DMD: variants seen among roughly 807,000 people sequenced by gnomAD.
DMD encodes dystrophin.
Under a neutral mutation model 330.1 loss-of-function variants are expected in DMD, and 63 were observed. The observed-to-expected ratio is 0.19, with a 90% CI of 0.16 to 0.24. The LOEUF (loss-of-function observed/expected upper bound fraction) is 0.24, where lower values mean the gene tolerates loss of function less well. Ranked by LOEUF, DMD falls within the 10% of genes least tolerant of loss-of-function variation. The probability of loss-of-function intolerance (pLI) is 1.00; values close to 1 mark genes in which losing one functional copy is unlikely to be tolerated. For synonymous variants in DMD, 1,223 were observed against 959.8 expected (o/e 1.27, Z -5.07); for missense variants, 3,344 against 2,684.1 (o/e 1.25, Z -5.43).
intron 60 of DMD, among the ~76,000 whole-genome samples, chrX:31,434,422 A>ATG (rs2064340282): frequency 1.2e-4 from 3 of 24,915 alleles, no homozygotes; most frequent in Non-Finnish European, 2.5e-4. Context: ...GCGCGCGCAC[A>ATG]CACACACACA....
chrX:33,277,352 G>A (rs1569559429), intron 1 of DMD, among the ~76,000 whole-genome samples: 1 of 111,547 alleles, frequency 9.0e-6, no homozygotes, highest in South Asian at 3.7e-4. Flanking sequence ...AGAGATGATG[G>A]TTGCACACCA....
At chrX:33,134,957 A>G (rs1375517169) in intron 1 of DMD, among the ~76,000 whole-genome samples, 1 of 111,766 alleles carries the variant, frequency 8.9e-6, no homozygotes, top group Admixed American at 9.6e-5. Context: ...TAGAAATAAA[A>G]TAAGTCCAGT....
At chrX:32,426,374 A>C (rs2098212821) in intron 29 of DMD, among the ~76,000 whole-genome samples, 1 of 112,361 alleles carries the variant, frequency 8.9e-6, no homozygotes, top group African/African-American at 3.2e-5. Context: ...CAATATGAAA[A>C]AAAATGCTCA....
intron 2 of DMD, among the ~76,000 whole-genome samples, chrX:33,002,039 A>G (rs2093292266): frequency 9.0e-6 from 1 of 111,686 alleles, no homozygotes; most frequent in African/African-American, 3.3e-5. Flanking sequence ...ATTCATTTTT[A>G]AAAGAAATTA....
At chrX:33,138,243 T>C (rs2047617910) in intron 1 of DMD, among the ~76,000 whole-genome samples, 2 of 112,190 alleles carry the variant, frequency 1.8e-5, no homozygotes, top group Admixed American at 9.5e-5. Context: ...TCCATTTATA[T>C]ATACATTAAC....
chrX:32,978,481 T>C (rs1042440739), intron 2 of DMD, among the ~76,000 whole-genome samples: 1 of 112,166 alleles, frequency 8.9e-6, no homozygotes, highest in Non-Finnish European at 1.9e-5. Context: ...AATTTATCTT[T>C]TTTTTTGAGA....
chrX:31,646,704 TGG>T (rs2080124121), intron 54 of DMD, among the ~76,000 whole-genome samples: 1 of 111,881 alleles, frequency 8.9e-6, no homozygotes, highest in Admixed American at 9.5e-5. Context: ...CTCTTTCCCA[TGG>T]GGTGACCCAG....
rs951932045 is a variant in DMD, at chrX:31,324,249, T to A, written c.9164-591A>T. Among the ~76,000 whole-genome samples, 3 of 111,186 alleles carry A rather than the reference T, an allele frequency of 2.7e-5. No homozygotes were observed. The Admixed American group carries it at 2.9e-4, about 11-fold the overall frequency. On this transcript the variant is annotated intron_variant, in intron 61 of 78. Transcript: ENST00000357033. ...TCTTATTAGAAAAGGTGACCAAAAG[T>A]GAGGGAATGTCTACTGATATCAGAG...
At chrX:31,176,312 ATTT>A (rs1039220379) in intron 71 of DMD, among the ~76,000 whole-genome samples, 27 of 111,795 alleles carry the variant, frequency 2.4e-4, no homozygotes, top group Non-Finnish European at 3.4e-4. Context: ...GTTAGAAAAT[ATTT>A]TTAAATAAAA....
chrX:32,781,729 T>A (rs910898211), intron 7 of DMD, among the ~76,000 whole-genome samples: 7 of 110,692 alleles, frequency 6.3e-5, no homozygotes, highest in African/African-American at 2.0e-4. Flanking sequence ...CATGAGTACG[T>A]GCACACACAT....
intron 50 of DMD, among the ~76,000 whole-genome samples, chrX:31,819,341 C>T (rs2092703735): frequency 8.9e-6 from 1 of 112,377 alleles, no homozygotes; most frequent in African/African-American, 3.2e-5. Context: ...AATGGGAGAG[C>T]TCTTAAATTG....
At chrX:32,431,143 C>G (rs1356165066) in intron 29 of DMD, among the ~76,000 whole-genome samples, 2 of 110,669 alleles carry the variant, frequency 1.8e-5, no homozygotes, top group Admixed American at 1.9e-4. Context: ...AATCTCCATA[C>G]TGTTTTCCAT....
chrX:32,835,513 T>G (rs903074551), intron 4 of DMD, among the ~76,000 whole-genome samples: 3 of 112,818 alleles, frequency 2.7e-5, no homozygotes, highest in African/African-American at 9.7e-5. Context: ...AAGTACTTTC[T>G]TCTCAATAAG....
intron 55 of DMD, among the ~76,000 whole-genome samples, chrX:31,547,651 C>G (rs746132690): frequency 9.0e-6 from 1 of 111,697 alleles, no homozygotes; most frequent in African/African-American, 3.3e-5. Context: ...TGTTTGCTGG[C>G]ACTCTTGCAG....
intron 44 of DMD, among the ~76,000 whole-genome samples, chrX:32,090,073 T>C (rs1445017902): frequency 2.7e-5 from 3 of 112,055 alleles, no homozygotes; most frequent in Non-Finnish European, 5.6e-5. Context: ...GTAAATATTA[T>C]GTAGTTAATA....
At chrX:31,482,721 G>C (rs980244908) in intron 57 of DMD, among the ~76,000 whole-genome samples, 5 of 111,919 alleles carry the variant, frequency 4.5e-5, no homozygotes, top group Non-Finnish European at 9.4e-5. Context: ...TTCTTTTTCT[G>C]AGAAGGAAAA....
chrX:32,838,754 G>C (rs2079883339), intron 4 of DMD, among the ~76,000 whole-genome samples: 1 of 112,099 alleles, frequency 8.9e-6, no homozygotes, highest in African/African-American at 3.2e-5. Flanking sequence ...AGTTAGAATG[G>C]CAATCATTAA....
chrX:33,266,705 T>G (rs1240529934), intron 1 of DMD, among the ~76,000 whole-genome samples: 1 of 111,234 alleles, frequency 9.0e-6, no homozygotes, highest in Non-Finnish European at 1.9e-5. Flanking sequence ...TCTCATCAAG[T>G]AAAAAGTAGA....
chrX:32,577,873 A>T (rs2053235599), intron 13 of DMD, among the ~76,000 whole-genome samples: 1 of 112,649 alleles, frequency 8.9e-6, no homozygotes, highest in Admixed American at 9.4e-5. Context: ...TTACTTGCTC[A>T]TACGCTGTAA....
Sources: gnomAD v4.1 joint callset for allele counts (sites outside exome capture counted in the v4.1 genomes callset) on GRCh38, gnomAD v4.1.1 for gene constraint, MANE v1.5 for transcripts, NCBI Gene and HGNC (gene_info 2026-07-23, HGNC 2026-07-21) for gene names.